SHBG: variants seen among roughly 807,000 people sequenced by gnomAD.
SHBG encodes sex hormone binding globulin, also known as sex hormone-binding globulin.
In SHBG, 37 loss-of-function variants were observed where a neutral mutation model predicts 41.9. The ratio of observed to expected loss-of-function variants is 0.88; its 90% CI spans 0.68 to 1.16. The LOEUF is 1.16. Among genes scored for constraint, SHBG ranks in the 50% most tolerant of loss-of-function variants. The pLI, the probability that SHBG is intolerant of heterozygous loss-of-function variation, is 0.00. For synonymous variants in SHBG, 217 were observed against 205.8 expected (o/e 1.05, Z -0.47); for missense variants, 466 against 499.9 (o/e 0.93, Z 0.65).
chr17:7,620,110 T>C (rs1486981550), intron 1 of SHBG, among the ~76,000 whole-genome samples: 4 of 130,002 alleles, frequency 3.1e-5, no homozygotes, highest in Non-Finnish European at 5.1e-5. Context: ...AAAGACTCCT[T>C]ATCCCTCTCC....
upstream of SHBG, among the ~76,000 whole-genome samples, chr17:7,629,588 G>A (rs2072334814): frequency 6.6e-6 from 1 of 152,018 alleles, no homozygotes; most frequent in African/African-American, 2.4e-5. Flanking sequence ...AAAAGACTGG[G>A]GGAGGAGTTC....
Position 7,632,751 on chromosome 17 carries a change from G to A in SHBG, c.853-1G>A. 1 of 1,612,262 alleles carries A rather than the reference G, an allele frequency of 6.2e-7. No individual in the cohort carries two copies. Among genetic ancestry groups the A allele is most frequent in the Non-Finnish European group, 8.5e-7 (1 of 1,178,870 alleles). On this transcript the variant is annotated splice_acceptor_variant, in intron 6 of 7. Transcript: ENST00000380450. LOFTEE classifies it high-confidence loss of function. ...CCGTCCCTTTCCCACACACTCTGCAGAAGGTGGTGTTGTCTTCTGGGTCGG... is the reference window on the plus strand; with the variant it reads ...CCGTCCCTTTCCCACACACTCTGCAAAAGGTGGTGTTGTCTTCTGGGTCGG...
upstream of SHBG, among the ~76,000 whole-genome samples, chr17:7,625,650 G>A (rs537084884): frequency 6.6e-6 from 1 of 151,196 alleles, no homozygotes; most frequent in Admixed American, 6.6e-5. Flanking sequence ...CAGCACTTTG[G>A]GGGGCCGAGG....
At chr17:7,615,655 C>G (rs1370114198) in intron 1 of SHBG, among the ~76,000 whole-genome samples, 3 of 135,016 alleles carry the variant, frequency 2.2e-5, no homozygotes, top group Non-Finnish European at 3.1e-5. Flanking sequence ...CCACCCCCCC[C>G]CCCACCCCGC....
intron 1 of SHBG, among the ~76,000 whole-genome samples, chr17:7,618,821 G>T (rs552522860): frequency 1.3e-5 from 2 of 152,146 alleles, no homozygotes; most frequent in African/African-American, 4.8e-5. Context: ...TCCCAATTGC[G>T]CAGCCTCAAG....
chr17:7,617,527 C>T (rs2072015675), intron 1 of SHBG, among the ~76,000 whole-genome samples: 1 of 151,846 alleles, frequency 6.6e-6, no homozygotes, highest in Non-Finnish European at 1.5e-5. Context: ...CGCTTGCACC[C>T]AGGAGGCAGA....
At chr17:7,626,454 C>T, upstream of SHBG, 1 of 1,613,966 alleles carries the variant, frequency 6.2e-7, no homozygotes, top group Non-Finnish European at 8.5e-7. Flanking sequence ...GCGTCACTTT[C>T]CTGCCAACTT....
chr17:7,625,992 A>G (rs1201751346), upstream of SHBG, among the ~76,000 whole-genome samples: 1 of 151,616 alleles, frequency 6.6e-6, no homozygotes, highest in Non-Finnish European at 1.5e-5. Flanking sequence ...TCACGAGATC[A>G]GGAGTTGGAG....
chr17:7,627,537 C>A (rs1196500281), upstream of SHBG: 2 of 1,605,164 alleles, frequency 1.2e-6, no homozygotes. This position sits in a 1 kb window ranked among gnomAD's most constrained non-coding sequence, Gnocchi z 4.8. Context: ...CCGCGCCACT[C>A]TGACCCCCGG....
upstream of SHBG, chr17:7,627,680 C>T (rs1287517269): frequency 6.2e-7 from 1 of 1,610,604 alleles, no homozygotes; most frequent in Admixed American, 1.7e-5. The surrounding 1 kb of genome is among the most constrained non-coding windows in gnomAD (Gnocchi z 4.8). Flanking sequence ...GCCTCGCAAA[C>T]GGCAACTAGA....
chr17:7,618,860 A>T (rs1190119073), intron 1 of SHBG, among the ~76,000 whole-genome samples: 2 of 152,186 alleles, frequency 1.3e-5, no homozygotes, highest in Non-Finnish European at 2.9e-5. Flanking sequence ...AGCAGGTCTA[A>T]GAGCTTTTTG....
At chr17:7,628,682 G>C (rs1230574058), upstream of SHBG, among the ~76,000 whole-genome samples, 1 of 151,824 alleles carries the variant, frequency 6.6e-6, no homozygotes, top group African/African-American at 2.4e-5. Flanking sequence ...CTGACCTCAA[G>C]TGATCTGCCC....
At chr17:7,615,833 CAAA>C (rs544422942) in intron 1 of SHBG, among the ~76,000 whole-genome samples, 8 of 72,982 alleles carry the variant, frequency 1.1e-4, no homozygotes, top group Middle Eastern at 0.011. Flanking sequence ...GACTCAGTCT[CAAA>C]AAAAAAAAAA....
upstream of SHBG, chr17:7,626,772 A>G (rs1216865901): frequency 6.2e-7 from 1 of 1,613,990 alleles, no homozygotes; most frequent in East Asian, 2.2e-5. Context: ...CTTTTTGATT[A>G]TTTTGGAACC....
rs114201659 is a variant in SHBG, at chr17:7,615,942, G to A, written c.-62+1831G>A. ...CCCAGCACTTTAGGAGGCTCAGGCG[G>A]TGGATCACTTGAGCCCAAAAGTTTG... On this transcript the variant is annotated intron_variant, in intron 1 of 5. Coordinates refer to the SHBG transcript ENST00000570547. Among the ~76,000 whole-genome samples, 1,364 of 152,006 alleles carry A rather than the reference G, an allele frequency of 9.0e-3. 17 individuals carry two copies. The highest frequency in any genetic ancestry group is 0.031 in the African/African-American group (1,295 of 41,484).
At chr17:7,626,829 G>C (rs858521), upstream of SHBG, 587,664 of 1,611,592 alleles carry the variant, frequency 0.36, 111,960 homozygotes, top group Middle Eastern at 0.51. Flanking sequence ...AATAGCTATT[G>C]TTTGAGCTGA....
At chr17:7,624,433 A>G (rs1010635671), upstream of SHBG, among the ~76,000 whole-genome samples, 1 of 151,736 alleles carries the variant, frequency 6.6e-6, no homozygotes, top group Non-Finnish European at 1.5e-5. Flanking sequence ...TTTAGTTGAG[A>G]TGGGATTTCA....
intron 1 of SHBG, among the ~76,000 whole-genome samples, chr17:7,616,851 G>A (rs897246309): frequency 6.6e-6 from 1 of 151,988 alleles, no homozygotes; most frequent in Non-Finnish European, 1.5e-5. Context: ...CAAGAGAATT[G>A]CTTGAACCTG....
intron 1 of SHBG, among the ~76,000 whole-genome samples, chr17:7,618,611 C>A (rs958735742): frequency 6.6e-6 from 1 of 152,058 alleles, no homozygotes; most frequent in African/African-American, 2.4e-5. Context: ...CCGGCCCACA[C>A]TCTCAATTAA....
Sources: allele counts gnomAD v4.1 joint callset (sites outside exome capture counted in the v4.1 genomes callset), GRCh38; gene constraint gnomAD v4.1.1; non-coding constraint Gnocchi (gnomAD v3.1); transcripts MANE v1.5; gene names NCBI Gene and HGNC (gene_info 2026-07-23, HGNC 2026-07-21).